STARD13: variants seen among roughly 807,000 people sequenced by gnomAD.
STARD13 encodes the protein StAR related lipid transfer domain containing 13.
A neutral mutation model predicts 106.4 loss-of-function variants in STARD13; 62 were observed. That is an observed-to-expected ratio of 0.58 (90% CI 0.48 to 0.72). The LOEUF (loss-of-function observed/expected upper bound fraction) is 0.72, where lower values mean the gene tolerates loss of function less well. STARD13 is among the 30% of genes least tolerant of loss of function. STARD13 has a pLI of 0.00. For missense variants in STARD13, 1,387 were observed against 1,424.0 expected (o/e 0.97, Z 0.42); for synonymous variants, 565 against 553.0 (o/e 1.02, Z -0.31).
At chr13:33,510,181 G>A in the STARD13 span, among the ~76,000 whole-genome samples, 1 of 152,128 alleles carries the variant, frequency 6.6e-6, no homozygotes, top group Admixed American at 6.6e-5. Flanking sequence ...GCCAAGCCAC[G>A]ATGAGCTACA....
intron 3 of STARD13, among the ~76,000 whole-genome samples, chr13:33,163,605 AAT>A (rs1249911753): frequency 0.021 from 2,078 of 97,524 alleles, 121 homozygotes; most frequent in East Asian, 0.12. Flanking sequence ...AAAAAAAAAA[AAT>A]ATATATATAT....
the STARD13 span, among the ~76,000 whole-genome samples, chr13:33,446,984 C>T: frequency 6.6e-6 from 1 of 152,184 alleles, no homozygotes; most frequent in Non-Finnish European, 1.5e-5. Flanking sequence ...TACTTGTTCT[C>T]TCTCTTTCTG....
the STARD13 span, among the ~76,000 whole-genome samples, chr13:33,499,556 TTC>T: frequency 5.0e-5 from 3 of 59,496 alleles, no homozygotes; most frequent in African/African-American, 1.8e-4. Context: ...CTTCTTCTTC[TTC>T]TTCTTCTTCT....
intron 1 of STARD13, among the ~76,000 whole-genome samples, chr13:33,181,465 A>C (rs951466000): frequency 1.8e-4 from 28 of 152,342 alleles, no homozygotes; most frequent in African/African-American, 6.7e-4. Flanking sequence ...AGAGTCTTGT[A>C]AATGGCTATC....
At chr13:33,662,223 C>G in the STARD13 span, among the ~76,000 whole-genome samples, 1 of 150,054 alleles carries the variant, frequency 6.7e-6, no homozygotes, top group Non-Finnish European at 1.5e-5. Flanking sequence ...GATCATGCCA[C>G]TGTACTACAG....
At position 33,110,105 on chromosome 13, in the gene STARD13, C is replaced by G. The variant is rs779206075; in HGVS notation, c.2830-15G>C. ...CCGTCGCCCACCTTGGGAAAGACAACGTCAGAAGCTGAAGAGGTTGTCTGG... is the reference window on the plus strand; with the variant it reads ...CCGTCGCCCACCTTGGGAAAGACAAGGTCAGAAGCTGAAGAGGTTGTCTGG... On this transcript the variant is annotated splice_polypyrimidine_tract_variant and intron_variant, in intron 11 of 13. Transcript: ENST00000336934. The G allele has an allele frequency of 5.6e-6, 9 of 1,613,008 alleles. No individual in the cohort carries two copies. Among genetic ancestry groups the G allele is most frequent in the Admixed American group, 1.7e-5 (1 of 59,888 alleles).
intron 1 of STARD13, among the ~76,000 whole-genome samples, chr13:33,321,868 C>T (rs1235640986): frequency 2.6e-5 from 4 of 152,210 alleles, no homozygotes; most frequent in Non-Finnish European, 5.9e-5. Flanking sequence ...AGCACTTACA[C>T]ACTCAGTTTG....
chr13:33,375,257 A>C, the STARD13 span, among the ~76,000 whole-genome samples: 2 of 152,170 alleles, frequency 1.3e-5, no homozygotes, highest in Admixed American at 1.3e-4. Context: ...AGAGGCAAGT[A>C]GGGGTGAGAA....
chr13:33,358,438 G>C, the STARD13 span, among the ~76,000 whole-genome samples: 1 of 152,228 alleles, frequency 6.6e-6, no homozygotes, highest in Admixed American at 6.5e-5. Flanking sequence ...AAGCCAGCTG[G>C]GCTCCTGAGT....
intron 8 of STARD13, among the ~76,000 whole-genome samples, chr13:33,116,065 G>T (rs917284583): frequency 1.1e-4 from 17 of 152,122 alleles, no homozygotes; most frequent in Non-Finnish European, 2.4e-4. Context: ...AACACCCGAC[G>T]GTTCCCCAAT....
chr13:33,250,484 T>G (rs1034914078), intron 1 of STARD13, among the ~76,000 whole-genome samples: 1 of 152,226 alleles, frequency 6.6e-6, no homozygotes, highest in Non-Finnish European at 1.5e-5. Flanking sequence ...GTTGCAGATG[T>G]GGCATGGAAT....
the STARD13 span, among the ~76,000 whole-genome samples, chr13:33,539,848 CT>C: frequency 6.6e-6 from 1 of 152,158 alleles, no homozygotes; most frequent in Admixed American, 6.5e-5. Context: ...ACAAAAGCTG[CT>C]CTTTAAAAGA....
chr13:33,324,658 G>C (rs1012904018), intron 1 of STARD13, among the ~76,000 whole-genome samples: 16 of 152,078 alleles, frequency 1.1e-4, no homozygotes, highest in Non-Finnish European at 2.2e-4. Context: ...GGACTTCATT[G>C]CTTTCTGTTT....
the STARD13 span, among the ~76,000 whole-genome samples, chr13:33,436,104 T>C: frequency 1.3e-5 from 2 of 152,184 alleles, no homozygotes; most frequent in Non-Finnish European, 2.9e-5. Flanking sequence ...TTATAGCTCT[T>C]GGAGGAAGGT....
At chr13:33,356,081 T>C in the STARD13 span, among the ~76,000 whole-genome samples, 1 of 152,226 alleles carries the variant, frequency 6.6e-6, no homozygotes, top group Admixed American at 6.5e-5. Flanking sequence ...TTCCTTTCTA[T>C]ATTTTCATGT....
chr13:33,466,805 A>C, the STARD13 span, among the ~76,000 whole-genome samples: 1 of 152,234 alleles, frequency 6.6e-6, no homozygotes, highest in Non-Finnish European at 1.5e-5. Context: ...CTTTCCAAGC[A>C]CAAAAAGCAA....
intron 1 of STARD13, chr13:33,336,408 T>C (rs1432987008): frequency 1.3e-5 from 2 of 152,202 alleles, no homozygotes; most frequent in Non-Finnish European, 2.9e-5. Flanking sequence ...AGGACCCTGC[T>C]GTCAAAGACA....
At chr13:33,154,953 G>T (rs571024302) in intron 3 of STARD13, among the ~76,000 whole-genome samples, 1 of 151,940 alleles carries the variant, frequency 6.6e-6, no homozygotes, top group East Asian at 1.9e-4. Flanking sequence ...TTCTTTCCTT[G>T]GGGCTTCTTT....
chr13:33,255,114 G>A (rs570330166), intron 1 of STARD13, among the ~76,000 whole-genome samples: 3 of 151,644 alleles, frequency 2.0e-5, no homozygotes, highest in Admixed American at 1.3e-4. Context: ...CCCCCTCAGA[G>A]GCTTGATCAG....
Sources: allele counts gnomAD v4.1 joint callset (sites outside exome capture counted in the v4.1 genomes callset), GRCh38; gene constraint gnomAD v4.1.1; transcripts MANE v1.5; gene names NCBI Gene and HGNC (gene_info 2026-07-23, HGNC 2026-07-21).